LRRC72: variants seen among roughly 807,000 people sequenced by gnomAD.
LRRC72 encodes the protein leucine-rich repeat-containing protein 72.
In LRRC72, 41 loss-of-function variants were observed where a neutral mutation model predicts 35.8. The ratio of observed to expected loss-of-function variants is 1.15; its 90% confidence interval spans 0.89 to 1.49. The LOEUF (loss-of-function observed/expected upper bound fraction) is 1.49, where lower values mean the gene tolerates loss of function less well. LRRC72 is among the 40% of genes most tolerant of loss of function. The pLI, the probability that LRRC72 is intolerant of heterozygous loss-of-function variation, is 0.00. For synonymous variants in LRRC72, 118 were observed against 119.2 expected, an observed-to-expected ratio of 0.99 and a Z score of 0.07; for missense variants, 389 against 330.7, an observed-to-expected ratio of 1.18 and a Z score of -1.37.
At chr7:16,535,070 TC>T (rs1782230157) in intron 2 of LRRC72, among the ~76,000 whole-genome samples, 1 of 152,062 alleles carries the variant, frequency 6.6e-6, no homozygotes. Context: ...GCACCTGTGG[TC>T]CCAGCTACTT....
At chr7:16,527,265 C>T (rs919549970) in intron 1 of LRRC72, among the ~76,000 whole-genome samples, 5 of 152,142 alleles carry the variant, frequency 3.3e-5, no homozygotes, top group Non-Finnish European at 7.3e-5. Context: ...GTGGCGAACC[C>T]CCCTCAGCAT....
At chr7:16,547,599 C>T (rs1226172741) in intron 3 of LRRC72, among the ~76,000 whole-genome samples, 1 of 152,232 alleles carries the variant, frequency 6.6e-6, no homozygotes, top group Non-Finnish European at 1.5e-5. Flanking sequence ...TACTGTCTGG[C>T]TTCTCCCTGC....
chr7:16,532,037 A>G (rs1173934176), intron 1 of LRRC72, among the ~76,000 whole-genome samples: 1 of 152,200 alleles, frequency 6.6e-6, no homozygotes, highest in Non-Finnish European at 1.5e-5. Context: ...ATAATGTGAT[A>G]GGCACAAAAA....
intron 7 of LRRC72, among the ~76,000 whole-genome samples, chr7:16,573,959 A>G (rs1198872823): frequency 1.3e-5 from 2 of 152,222 alleles, no homozygotes; most frequent in Non-Finnish European, 2.9e-5. Context: ...ATTTGCAAGA[A>G]AAACACAACC....
At chr7:16,574,042 C>T (rs980358698) in intron 7 of LRRC72, among the ~76,000 whole-genome samples, 6 of 151,750 alleles carry the variant, frequency 4.0e-5, no homozygotes, top group Admixed American at 6.6e-5. Flanking sequence ...AACAAACATA[C>T]GAAAAAAAGC....
intron 3 of LRRC72, among the ~76,000 whole-genome samples, chr7:16,555,496 G>T (rs1236610866): frequency 6.6e-6 from 1 of 152,176 alleles, no homozygotes; most frequent in African/African-American, 2.4e-5. Context: ...TTCCTGGCCG[G>T]ACATGGTGGC....
At chr7:16,557,017 C>G (rs1267403956) in intron 3 of LRRC72, among the ~76,000 whole-genome samples, 1 of 152,096 alleles carries the variant, frequency 6.6e-6, no homozygotes, top group East Asian at 1.9e-4. Context: ...GGTGCTGGAT[C>G]TAGTGAGAGT....
At chr7:16,530,495 A>T (rs939236711) in intron 1 of LRRC72, 1 of 152,196 alleles carries the variant, frequency 6.6e-6, no homozygotes, top group African/African-American at 2.4e-5. Context: ...CACACCCATA[A>T]ATAATGTTTT....
chr7:16,545,723 C>T (rs755580072), intron 3 of LRRC72, among the ~76,000 whole-genome samples: 4 of 152,002 alleles, frequency 2.6e-5, no homozygotes, highest in Non-Finnish European at 5.9e-5. Context: ...ATATTTTGCT[C>T]CATATTTTAA....
intron 7 of LRRC72, among the ~76,000 whole-genome samples, chr7:16,567,781 C>A (rs759246600): frequency 6.6e-6 from 1 of 151,916 alleles, no homozygotes; most frequent in African/African-American, 2.4e-5. Context: ...GTGATAATAA[C>A]GAGATAATAC....
chr7:16,559,009 T>C lies in LRRC72; in HGVS notation c.427+10T>C. 1 of 1,472,688 alleles carries C rather than the reference T, an allele frequency of 6.8e-7. No individual in the cohort carries two copies. The highest frequency in any genetic ancestry group is 9.2e-7 in the Non-Finnish European group (1 of 1,085,890). The allele number at this position is 1,472,688 out of a possible 1,614,324, so 91.2% of individuals were successfully genotyped here. On this transcript the variant is annotated intron_variant, in intron 5 of 8. Transcript: ENST00000401542. ...AATCTGAAGATCCTAAGTAACAATT[T>C]GCAATTTTATATGGCCATAAGTTAA...
At chr7:16,567,960 T>A (rs1340355086) in intron 7 of LRRC72, among the ~76,000 whole-genome samples, 1 of 152,166 alleles carries the variant, frequency 6.6e-6, no homozygotes, top group Admixed American at 6.5e-5. Context: ...AATTCTACCA[T>A]GCAGAAATAA....
At chr7:16,563,603 T>C (rs1782778959) in intron 5 of LRRC72, among the ~76,000 whole-genome samples, 1 of 152,214 alleles carries the variant, frequency 6.6e-6, no homozygotes, top group Non-Finnish European at 1.5e-5. Context: ...AGGAAACTGA[T>C]TTCACATCTT....
intron 7 of LRRC72, among the ~76,000 whole-genome samples, chr7:16,578,764 T>C (rs1053568183): frequency 2.0e-5 from 3 of 152,198 alleles, no homozygotes; most frequent in African/African-American, 7.2e-5. Context: ...TATGCGCTTT[T>C]TGTAATTAAA....
chr7:16,536,689 C>A (rs1232285885), intron 2 of LRRC72, among the ~76,000 whole-genome samples: 1 of 151,810 alleles, frequency 6.6e-6, no homozygotes, highest in African/African-American at 2.4e-5. Context: ...TGCATGCTTT[C>A]AAAAAATGTA....
In LRRC72 at chr7:16,526,875, C is replaced by T; in HGVS notation, c.-78C>T. On this transcript the variant is annotated 5_prime_UTR_variant, in exon 1 of 9. Transcript: ENST00000401542. ...GGTAACAGAACAACGAGCTGTGCAC[C>T]AAGCCAAGTCTCTCTTCGGTGCCAC... 8.5e-7 allele frequency: 1 copy of T among 1,181,140 alleles called. No homozygotes were observed. The highest frequency in any genetic ancestry group is 1.2e-6 in the Non-Finnish European group (1 of 823,834). The allele number at this position is 1,181,140 out of a possible 1,614,324, so 73.2% of individuals were successfully genotyped here.
intron 1 of LRRC72, among the ~76,000 whole-genome samples, chr7:16,531,571 A>G (rs1782165666): frequency 1.3e-5 from 2 of 152,250 alleles, no homozygotes; most frequent in African/African-American, 4.8e-5. Context: ...CTCACCATTC[A>G]TAACAAATCC....
rs140800791 is a variant in LRRC72 at position 16,576,584 on chromosome 7, G to A, written c.671-3490G>A. ...GTACCAATTTTCATTACTGTCTCTG[G>A]GTTTTATTGCATGATAGCCAATATT... is the stretch of plus-strand genomic sequence containing the variant. On this transcript the variant is annotated intron_variant, in intron 7 of 8. Coordinates refer to ENST00000401542, the MANE Select transcript of LRRC72 (RefSeq NM_001195280.2). Among the ~76,000 whole-genome samples the A allele has an allele frequency of 4.5e-3, 683 of 152,094 alleles. 2 individuals carry two copies. Among genetic ancestry groups the A allele is most frequent in the African/African-American group, 0.015 (619 of 41,472 alleles).
chr7:16,559,021 T>C (rs1216388254), intron 5 of LRRC72, 22 bp downstream of exon 5: 3 of 1,364,514 alleles, frequency 2.2e-6, no homozygotes, highest in African/African-American at 1.5e-5. Context: ...CAATTTTATA[T>C]GGCCATAAGT....
Sources: allele counts gnomAD v4.1 joint callset (sites outside exome capture counted in the v4.1 genomes callset), GRCh38; gene constraint gnomAD v4.1.1; transcripts MANE v1.5; gene names NCBI Gene and HGNC (gene_info 2026-07-23, HGNC 2026-07-21).